TKTL1: variants seen among roughly 807,000 people sequenced by gnomAD.
TKTL1 encodes transketolase-like protein 1.
Under a neutral mutation model 39.3 loss-of-function variants are expected in TKTL1, and 1 was observed. That is an observed-to-expected ratio of 0.03 (90% CI 0.01 to 0.12). TKTL1 has a LOEUF of 0.12. Among genes scored for constraint, TKTL1 ranks in the 10% least tolerant of loss-of-function variants. The pLI is 1.00. For synonymous variants in TKTL1, 262 were observed against 193.8 expected, an observed-to-expected ratio of 1.35 and a Z score of -2.92; for missense variants, 575 against 509.6, an observed-to-expected ratio of 1.13 and a Z score of -1.24.
At chrX:154,303,895 TC>T (rs1346376514) in intron 1 of TKTL1, among the ~76,000 whole-genome samples, 5 of 108,218 alleles carry the variant, frequency 4.6e-5, no homozygotes, top group African/African-American at 1.7e-4. Context: ...CCCAGTAACT[TC>T]CATCATTTTC....
At chrX:154,298,731 ATTTTC>A (rs1431851763) in intron 1 of TKTL1, among the ~76,000 whole-genome samples, 1 of 111,495 alleles carries the variant, frequency 9.0e-6, no homozygotes, top group Non-Finnish European at 1.9e-5. Context: ...AATTTTTTCT[ATTTTC>A]TTAGTCTCTG....
chrX:154,315,287 A>C lies in TKTL1; in HGVS notation c.979A>C (p.Lys327Gln), dbSNP rs374193459. The stretch of plus-strand genomic sequence containing the variant: ...CTCTACTTTCTCTGAGATATTCAAC[A>C]AGGAGTACCCTGAGCGCTTCATCGA... Reference protein sequence around the residue: ...RYSTFSEIFNKEYPERFIECF... With the variant: ...RYSTFSEIFNQEYPERFIECF... Residue 327 changes from lysine to glutamine, a missense_variant, in exon 7 of 13, where the codon AAG (lysine) becomes CAG (glutamine). Physicochemically the swap from Lys to Gln is moderately conservative, Grantham distance 53. Transcript: ENST00000369915. The C allele has an allele frequency of 7.4e-6, 9 of 1,211,238 alleles. No individual in the cohort carries two copies. The highest frequency in any genetic ancestry group is 1.0e-5 in the Non-Finnish European group (9 of 895,202).
intron 7 of TKTL1, 124 bp downstream of exon 7, chrX:154,315,461 G>A: frequency 1.4e-6 from 1 of 737,217 alleles, no homozygotes. Flanking sequence ...AATTTCCTGG[G>A]AAGCAGGAGG....
rs111649353 is a variant in TKTL1, at chrX:154,315,050, G to A, written c.865-123G>A. The A allele has an allele frequency of 3.2e-3, 2,552 of 796,102 alleles. 2 individuals are homozygous for A. Among genetic ancestry groups the A allele is most frequent in the Non-Finnish European group, 4.2e-3 (2,367 of 570,072 alleles). 65.6% of individuals were successfully genotyped at this position (796,102 alleles called of 1,213,427 possible). Reference sequence around the variant, plus strand: ...TTAAAGGAAATTTTTGGTGAGTCACGAATTTACTTTCTTCAAGATAGATGA... The same window carrying A: ...TTAAAGGAAATTTTTGGTGAGTCACAAATTTACTTTCTTCAAGATAGATGA... On this transcript the variant is annotated intron_variant, in intron 6 of 12. Coordinates refer to ENST00000369915, the MANE Select transcript of TKTL1 (RefSeq NM_012253.4).
At chrX:154,329,430 C>G (rs2067519717) in intron 12 of TKTL1, 86 bp from the exon 13 acceptor site, 1 of 955,683 alleles carries the variant, frequency 1.0e-6, no homozygotes, top group African/African-American at 1.9e-5. Context: ...CCCTGGGAAG[C>G]TGCAGATTCA....
At chrX:154,303,175 ATTTTTATTTATT>A (rs1569550797) in intron 1 of TKTL1, among the ~76,000 whole-genome samples, 1 of 92,688 alleles carries the variant, frequency 1.1e-5, no homozygotes, top group Non-Finnish European at 2.1e-5. Context: ...ATTTTTTAAA[ATTTTTATTTATT>A]TATTTATTTA....
chrX:154,326,724 G>C (rs1362109001), intron 10 of TKTL1, among the ~76,000 whole-genome samples: 1 of 112,774 alleles, frequency 8.9e-6, no homozygotes, highest in East Asian at 2.8e-4. Flanking sequence ...GCTTATTTCT[G>C]TCGTCTCTTT....
At chrX:154,327,807 C>G (rs1418453429) in intron 11 of TKTL1, 32 bp from the exon 12 acceptor site, 1 of 1,209,225 alleles carries the variant, frequency 8.3e-7, no homozygotes, top group Non-Finnish European at 1.1e-6. Flanking sequence ...GAGTCTCTTT[C>G]TTGTACCAAG....
chrX:154,300,162 C>T (rs1287254461), intron 1 of TKTL1, among the ~76,000 whole-genome samples: 5 of 111,044 alleles, frequency 4.5e-5, no homozygotes, highest in African/African-American at 1.6e-4. Context: ...ACTACAGGCA[C>T]ACGCCACCAC....
At chrX:154,312,872 CT>C in intron 6 of TKTL1, 99 bp downstream of exon 6, 1 of 823,345 alleles carries the variant, frequency 1.2e-6, no homozygotes, top group Non-Finnish European at 1.7e-6. Flanking sequence ...TTATTCTGGT[CT>C]CCATGGACGA....
intron 2 of TKTL1, among the ~76,000 whole-genome samples, chrX:154,308,719 C>T (rs1557167687): frequency 9.1e-6 from 1 of 109,752 alleles, no homozygotes; most frequent in Non-Finnish European, 1.9e-5. Context: ...ACATTTTCTG[C>T]TTGGGATAGT....
At chrX:154,307,489 G>A (rs1239549878) in intron 2 of TKTL1, among the ~76,000 whole-genome samples, 5 of 112,627 alleles carry the variant, frequency 4.4e-5, no homozygotes, top group Non-Finnish European at 7.5e-5. Context: ...TCCCTGAATC[G>A]TCTGCCCCGC....
intron 5 of TKTL1, among the ~76,000 whole-genome samples, chrX:154,311,587 TAC>T (rs1255334614): frequency 2.7e-5 from 3 of 110,710 alleles, no homozygotes; most frequent in Non-Finnish European, 5.7e-5. Context: ...AGTGCATACC[TAC>T]ACACGTGCCT....
At chrX:154,296,564 G>C (rs1222781829) in intron 1 of TKTL1, among the ~76,000 whole-genome samples, 1 of 111,514 alleles carries the variant, frequency 9.0e-6, no homozygotes, top group African/African-American at 3.3e-5. Context: ...CCAGCTATTC[G>C]GGAGGCTTGC....
chrX:154,313,299 C>T (rs1344818794), intron 6 of TKTL1, among the ~76,000 whole-genome samples: 4 of 112,339 alleles, frequency 3.6e-5, no homozygotes. Flanking sequence ...TGAACTTACT[C>T]TCTGAATTAC....
intron 3 of TKTL1, among the ~76,000 whole-genome samples, chrX:154,310,283 C>T (rs1057169424): frequency 1.1e-4 from 12 of 110,551 alleles, no homozygotes; most frequent in Non-Finnish European, 2.3e-4. Flanking sequence ...ATGGCGAAAC[C>T]GCCTCTCTAC....
At chrX:154,301,859 C>G (rs1036130435) in intron 1 of TKTL1, among the ~76,000 whole-genome samples, 1 of 107,861 alleles carries the variant, frequency 9.3e-6, no homozygotes, top group South Asian at 4.1e-4. Flanking sequence ...TCCCAAGATG[C>G]TGGGATTACA....
intron 7 of TKTL1, among the ~76,000 whole-genome samples, chrX:154,315,976 C>T (rs946468420): frequency 1.8e-5 from 2 of 111,733 alleles, no homozygotes; most frequent in African/African-American, 3.3e-5. Flanking sequence ...AAGCTCTGCG[C>T]GTCATAGAAG....
At chrX:154,308,080 C>T (rs1368032378) in intron 2 of TKTL1, among the ~76,000 whole-genome samples, 4 of 111,871 alleles carry the variant, frequency 3.6e-5, no homozygotes, top group Non-Finnish European at 7.5e-5. Context: ...GACGTTTGAG[C>T]AGAGGAGGGT....
Sources: allele counts gnomAD v4.1 joint callset (sites outside exome capture counted in the v4.1 genomes callset), GRCh38; gene constraint gnomAD v4.1.1; transcripts MANE v1.5; gene names NCBI Gene and HGNC (gene_info 2026-07-23, HGNC 2026-07-21).